The following KCTD8 variants were observed in gnomAD, a reference collection of about 807,000 sequenced individuals.
KCTD8 encodes potassium channel tetramerization domain containing 8.
In KCTD8, 27 loss-of-function variants were observed where a neutral mutation model predicts 31.5. The ratio of observed to expected loss-of-function variants is 0.86; its 90% confidence interval spans 0.63 to 1.18. The LOEUF is 1.18. Ranked by LOEUF, KCTD8 falls within the 50% of genes most tolerant of loss-of-function variation. The probability of loss-of-function intolerance (pLI) is 0.00; values close to 1 mark genes in which losing one functional copy is unlikely to be tolerated. For missense variants in KCTD8, 658 were observed against 647.7 expected (o/e 1.02, Z -0.17); for synonymous variants, 290 against 280.0 (o/e 1.04, Z -0.36).
rs182224138 is a variant in KCTD8, at chr4:44,274,196, C to T, written c.962-98946G>A. ...ATAAATAATTTCAAATCCCTGCTTC[C>T]CTCCTTGGAATAATTTAGGGAGATT... On this transcript the variant is annotated intron_variant, in intron 1 of 1. Transcript: ENST00000360029. 2.5e-3 allele frequency among the ~76,000 whole-genome samples: 372 copies of T among 151,822 alleles called. 1 individual carries two copies. Among genetic ancestry groups the T allele is most frequent in the African/African-American group, 8.2e-3 (341 of 41,460 alleles).
intron 1 of KCTD8, among the ~76,000 whole-genome samples, chr4:44,365,593 C>A (rs754179499): frequency 6.6e-6 from 1 of 151,958 alleles, no homozygotes; most frequent in Non-Finnish European, 1.5e-5. Flanking sequence ...TTTCTAAAGG[C>A]AAAAAATAGT....
At chr4:44,404,983 C>G (rs1401100901) in intron 1 of KCTD8, among the ~76,000 whole-genome samples, 1 of 152,012 alleles carries the variant, frequency 6.6e-6, no homozygotes, top group Non-Finnish European at 1.5e-5. Flanking sequence ...AAAGCTACTT[C>G]AAAAAGCTAA....
rs139151796 is a variant in KCTD8 at position 44,420,385 on chromosome 4, G to A, written c.961+27178C>T. On this transcript the variant is annotated intron_variant, in intron 1 of 1. Transcript: ENST00000360029. ...AACTTATTTGGTCAAAATACACGTG[G>A]ACAATCGAAAGAAAAAATCAAGGAT... is the stretch of plus-strand genomic sequence containing the variant. Among the ~76,000 whole-genome samples the A allele has an allele frequency of 2.0e-3, 299 of 152,238 alleles. 1 individual carries two copies. The highest frequency in any genetic ancestry group is 6.9e-3 in the African/African-American group (285 of 41,534).
At chr4:44,266,676 T>A (rs1371852461) in intron 1 of KCTD8, among the ~76,000 whole-genome samples, 8 of 150,416 alleles carry the variant, frequency 5.3e-5, no homozygotes. Flanking sequence ...ACACATAGGC[T>A]CAAAATAAAA....
At chr4:44,438,324 T>G (rs955291233) in intron 1 of KCTD8, among the ~76,000 whole-genome samples, 1 of 152,166 alleles carries the variant, frequency 6.6e-6, no homozygotes, top group African/African-American at 2.4e-5. Flanking sequence ...TTTGGCCAAA[T>G]GCCTAGACTC....
intron 1 of KCTD8, among the ~76,000 whole-genome samples, chr4:44,203,555 T>C (rs1714214785): frequency 6.7e-6 from 1 of 149,566 alleles, no homozygotes; most frequent in Admixed American, 6.7e-5. Flanking sequence ...AACTAAGCGT[T>C]CAGCTCAATG....
At chr4:44,203,265 G>A (rs1056953846) in intron 1 of KCTD8, among the ~76,000 whole-genome samples, 22 of 152,094 alleles carry the variant, frequency 1.4e-4, no homozygotes, top group Non-Finnish European at 2.2e-4. Flanking sequence ...CACGTTGGGA[G>A]GCCAAGGTGG....
At chr4:44,182,682 C>T (rs192268993) in intron 1 of KCTD8, among the ~76,000 whole-genome samples, 1 of 152,156 alleles carries the variant, frequency 6.6e-6, no homozygotes, top group African/African-American at 2.4e-5. Context: ...CCTAGGAAAA[C>T]CAGAGACCTT....
intron 1 of KCTD8, among the ~76,000 whole-genome samples, chr4:44,312,543 A>G (rs1049033487): frequency 6.6e-6 from 1 of 152,202 alleles, no homozygotes; most frequent in African/African-American, 2.4e-5. Context: ...TAGCTACCGT[A>G]TGAATACAGA....
chr4:44,240,523 A>T (rs1411688863), intron 1 of KCTD8, among the ~76,000 whole-genome samples: 2 of 152,068 alleles, frequency 1.3e-5, no homozygotes, highest in East Asian at 3.9e-4. Context: ...TTTATTAGGG[A>T]CGAGGTCTCG....
intron 1 of KCTD8, among the ~76,000 whole-genome samples, chr4:44,248,859 C>G (rs1487637242): frequency 6.6e-6 from 1 of 151,802 alleles, no homozygotes; most frequent in Non-Finnish European, 1.5e-5. Flanking sequence ...CCCTCCTCCC[C>G]TCTGGAGAAC....
intron 1 of KCTD8, among the ~76,000 whole-genome samples, chr4:44,282,237 C>T (rs909221184): frequency 6.6e-6 from 1 of 152,022 alleles, no homozygotes; most frequent in South Asian, 2.1e-4. Context: ...CTCTGTGTCA[C>T]ATGTTCGTCA....
chr4:44,390,190 T>C (rs900934370), intron 1 of KCTD8, among the ~76,000 whole-genome samples: 2 of 152,064 alleles, frequency 1.3e-5, no homozygotes, highest in Non-Finnish European at 1.5e-5. Flanking sequence ...TTTTGGGTTA[T>C]TGGTCATGAA....
chr4:44,431,444 T>C (rs1385428815), intron 1 of KCTD8, among the ~76,000 whole-genome samples: 1 of 151,576 alleles, frequency 6.6e-6, no homozygotes, highest in Non-Finnish European at 1.5e-5. Context: ...CTAAGGATGA[T>C]ATCTATGATA....
intron 1 of KCTD8, among the ~76,000 whole-genome samples, chr4:44,225,071 G>T (rs1412683405): frequency 6.6e-6 from 1 of 152,098 alleles, no homozygotes; most frequent in Non-Finnish European, 1.5e-5. Flanking sequence ...TATCAGCAGG[G>T]AGCATGACTC....
intron 1 of KCTD8, among the ~76,000 whole-genome samples, chr4:44,204,526 C>T (rs543660112): frequency 2.6e-5 from 4 of 152,220 alleles, no homozygotes; most frequent in South Asian, 2.1e-4. Flanking sequence ...CAATCCATCA[C>T]GACCCTCTCA....
At chr4:44,310,099 T>C (rs1162564313) in intron 1 of KCTD8, among the ~76,000 whole-genome samples, 1 of 152,090 alleles carries the variant, frequency 6.6e-6, no homozygotes, top group East Asian at 1.9e-4. Flanking sequence ...AGAAGAAATA[T>C]AACCTTTTTG....
chr4:44,182,358 G>C (rs62304796), intron 1 of KCTD8, among the ~76,000 whole-genome samples: 3 of 152,264 alleles, frequency 2.0e-5, no homozygotes, highest in Non-Finnish European at 4.4e-5. Flanking sequence ...AGGGGGAAAG[G>C]TGGGGAAAAG....
chr4:44,384,863 C>T lies in KCTD8; in HGVS notation c.961+62700G>A, dbSNP rs34310049. Reference sequence around the variant, plus strand: ...GCTAATTACCCCAATTTTATCATTACACATTCTACACATGTATCAAAATGT... The same window carrying T: ...GCTAATTACCCCAATTTTATCATTATACATTCTACACATGTATCAAAATGT... On this transcript the variant is annotated intron_variant, in intron 1 of 1. Transcript: ENST00000360029. Among the ~76,000 whole-genome samples, 869 of 151,736 alleles carry T rather than the reference C, an allele frequency of 5.7e-3. 3 individuals carry two copies. The highest frequency in any genetic ancestry group is 9.5e-3 in the Non-Finnish European group (645 of 67,756).
Sources: allele counts gnomAD v4.1 joint callset (sites outside exome capture counted in the v4.1 genomes callset), GRCh38; gene constraint gnomAD v4.1.1; transcripts MANE v1.5; gene names NCBI Gene and HGNC (gene_info 2026-07-23, HGNC 2026-07-21).